The following ABLIM3 variants were observed in gnomAD, a reference collection of about 807,000 sequenced individuals.
The protein encoded by ABLIM3 is actin binding LIM protein family member 3.
ABLIM3 carries 61 observed loss-of-function variants against 109.5 expected under a neutral mutation model. The observed-to-expected ratio is 0.56, with a 90% confidence interval of 0.45 to 0.69. The LOEUF (loss-of-function observed/expected upper bound fraction) is 0.69. ABLIM3 is among the 30% of genes least tolerant of loss of function. The probability of loss-of-function intolerance (pLI) is 0.00; values close to 1 mark genes in which losing one functional copy is unlikely to be tolerated. For missense variants in ABLIM3, 796 were observed against 889.5 expected, an observed-to-expected ratio of 0.89 and a Z score of 1.34; for synonymous variants, 300 against 324.8, an observed-to-expected ratio of 0.92 and a Z score of 0.82.
intron 7 of ABLIM3, among the ~76,000 whole-genome samples, chr5:149,215,710 A>C (rs1395444746): frequency 2.0e-5 from 3 of 152,124 alleles, no homozygotes; most frequent in African/African-American, 7.2e-5. Flanking sequence ...CCCTGCCCTG[A>C]CGTTGCAAAA....
rs962300482 is a variant in ABLIM3, at chr5:149,167,657, G to A, written c.14-15795G>A. ...TTTCTTGTAAACCACAGTGTGCTAG[G>A]TATTATGCTCAGAATTAGGACTAGA... On this transcript the variant is annotated intron_variant, in intron 2 of 23. Transcript: ENST00000309868. Among the ~76,000 whole-genome samples, 20 of 152,284 alleles carry A rather than the reference G, an allele frequency of 1.3e-4. No individual in the cohort carries two copies. In the East Asian group the frequency reaches 3.7e-3, roughly 28 times the overall value.
intron 2 of ABLIM3, among the ~76,000 whole-genome samples, chr5:149,143,997 A>G (rs1752709970): frequency 6.6e-6 from 1 of 152,346 alleles, no homozygotes; most frequent in East Asian, 1.9e-4. Flanking sequence ...TCTCTCTGGA[A>G]TGCTAAGGAA....
chr5:149,168,597 C>A (rs1755050483), intron 2 of ABLIM3, among the ~76,000 whole-genome samples: 1 of 152,178 alleles, frequency 6.6e-6, no homozygotes, highest in African/African-American at 2.4e-5. Flanking sequence ...AAAAGAAAAA[C>A]CATCTGCCAG....
At chr5:149,149,831 A>G (rs536906296) in intron 2 of ABLIM3, among the ~76,000 whole-genome samples, 53 of 152,242 alleles carry the variant, frequency 3.5e-4, no homozygotes, top group African/African-American at 1.3e-3. Flanking sequence ...AACAAAGAGA[A>G]GCAAGCATGA....
intron 12 of ABLIM3, 109 bp from the exon 13 acceptor site, chr5:149,239,650 C>T: frequency 6.8e-7 from 1 of 1,464,148 alleles, no homozygotes; most frequent in Non-Finnish European, 9.1e-7. Flanking sequence ...ATTCACACCT[C>T]AAACCCGAGA....
chr5:149,249,873 C>A, intron 19 of ABLIM3, 29 bp downstream of exon 19: 1 of 1,613,762 alleles, frequency 6.2e-7, no homozygotes, highest in Non-Finnish European at 8.5e-7. Flanking sequence ...ACCTTCAGCC[C>A]ATCATGTCCC....
chr5:149,232,189 C>A (rs1440120940), intron 9 of ABLIM3, among the ~76,000 whole-genome samples: 1 of 152,134 alleles, frequency 6.6e-6, no homozygotes, highest in African/African-American at 2.4e-5. Context: ...GCCTGTAATC[C>A]CAGCTACTTG....
chr5:149,229,703 AG>A (rs1407867040), intron 8 of ABLIM3, among the ~76,000 whole-genome samples: 1 of 152,258 alleles, frequency 6.6e-6, no homozygotes, highest in African/African-American at 2.4e-5. Context: ...GCTGGTTACA[AG>A]GGGAATGGCT....
rs1761752665 is a variant in ABLIM3 at position 149,230,567 on chromosome 5, C to CG, written c.758-80dup. On this transcript the variant is annotated intron_variant, in intron 8 of 23. Coordinates refer to ENST00000309868, the MANE Select transcript of ABLIM3 (RefSeq NM_014945.5). ...ATGTGTAAGGGACATACGCTGACCA[C>CG]GGAGTGAATCAAGGTGGGACATGGG... 5 of 1,462,958 alleles carry CG rather than the reference C, an allele frequency of 3.4e-6. No individual in the cohort carries two copies. In the Admixed American group the frequency reaches 6.7e-5, roughly 20 times the overall value. 90.6% of individuals were successfully genotyped at this position (1,462,958 alleles called of 1,614,324 possible).
At chr5:149,243,685 C>T (rs567001553) in intron 15 of ABLIM3, 2 of 152,328 alleles carry the variant, frequency 1.3e-5, no homozygotes, top group African/African-American at 4.8e-5. Context: ...GCCATGTCCC[C>T]TGAGTACTCA....
chr5:149,239,552 G>A (rs992290067), intron 12 of ABLIM3, among the ~76,000 whole-genome samples: 5 of 152,200 alleles, frequency 3.3e-5, no homozygotes, highest in African/African-American at 1.2e-4. Flanking sequence ...CCATTCAAGG[G>A]CCTGCAAGTA....
intron 3 of ABLIM3, among the ~76,000 whole-genome samples, chr5:149,193,010 C>T (rs893293727): frequency 6.6e-6 from 1 of 152,002 alleles, no homozygotes; most frequent in Non-Finnish European, 1.5e-5. Context: ...GGAAAAATAA[C>T]TAGCAATTAA....
intron 16 of ABLIM3, among the ~76,000 whole-genome samples, chr5:149,245,963 G>T (rs1365985153): frequency 1.3e-5 from 2 of 152,282 alleles, no homozygotes; most frequent in African/African-American, 4.8e-5. Context: ...AGGAAATTGA[G>T]ACCAGCCTGG....
intron 2 of ABLIM3, among the ~76,000 whole-genome samples, chr5:149,142,484 G>A (rs1359823567): frequency 6.6e-6 from 1 of 152,148 alleles, no homozygotes; most frequent in African/African-American, 2.4e-5. Flanking sequence ...CCCAGAGGTG[G>A]GAAGAGCAGG....
At chr5:149,212,747 G>T (rs530254831) in intron 7 of ABLIM3, among the ~76,000 whole-genome samples, 1 of 152,170 alleles carries the variant, frequency 6.6e-6, no homozygotes, top group Non-Finnish European at 1.5e-5. Context: ...AGGGGAAAAA[G>T]CTGATCTGGC....
At chr5:149,152,414 TATTA>T (rs879490635) in intron 2 of ABLIM3, among the ~76,000 whole-genome samples, 2 of 152,192 alleles carry the variant, frequency 1.3e-5, no homozygotes, top group African/African-American at 4.8e-5. Context: ...ATTGCCATGA[TATTA>T]ATGTCCTCAT....
intron 20 of ABLIM3, 58 bp downstream of exon 20, chr5:149,250,563 C>A: frequency 1.3e-6 from 2 of 1,579,582 alleles, no homozygotes; most frequent in Non-Finnish European, 1.7e-6. Flanking sequence ...CTAATAAACC[C>A]AACATTAGCT....
chr5:149,245,234 T>C (rs1753231854), intron 16 of ABLIM3, among the ~76,000 whole-genome samples: 1 of 152,220 alleles, frequency 6.6e-6, no homozygotes, highest in Non-Finnish European at 1.5e-5. Context: ...GTCCCTGCCC[T>C]TGTGGAGAAG....
chr5:149,247,768 TC>T lies in ABLIM3; in HGVS notation c.1552-10del. The T allele has an allele frequency of 6.2e-7, 1 of 1,614,202 alleles. No homozygotes were observed. Among genetic ancestry groups the T allele is most frequent in the South Asian group, 1.1e-5 (1 of 91,078 alleles). On this transcript the variant is annotated splice_polypyrimidine_tract_variant and intron_variant, in intron 17 of 23. Transcript: ENST00000309868. ...TTTCCTTCTAACTTTATCTTGCTCT[TC>T]CCCGACCCTCAGCTCCAAAGTGGAA...
Sources: allele counts gnomAD v4.1 joint callset (sites outside exome capture counted in the v4.1 genomes callset), GRCh38; gene constraint gnomAD v4.1.1; transcripts MANE v1.5; gene names NCBI Gene and HGNC (gene_info 2026-07-23, HGNC 2026-07-21).